NRXN1: variants seen among roughly 807,000 people sequenced by gnomAD.
The protein encoded by NRXN1 is neurexin-1.
NRXN1 carries 39 observed loss-of-function variants against 150.9 expected under a neutral mutation model. The observed-to-expected ratio is 0.26, with a 90% confidence interval of 0.20 to 0.34. The LOEUF is 0.34. Ranked by LOEUF, NRXN1 falls within the 10% of genes least tolerant of loss-of-function variation. NRXN1 has a pLI of 1.00. For synonymous variants in NRXN1, 924 were observed against 757.0 expected, an observed-to-expected ratio of 1.22 and a Z score of -3.62; for missense variants, 1,815 against 1,949.9, an observed-to-expected ratio of 0.93 and a Z score of 1.30.
intron 18 of NRXN1, among the ~76,000 whole-genome samples, chr2:50,214,551 A>T (rs551988684): frequency 1.3e-5 from 2 of 152,070 alleles, no homozygotes; most frequent in South Asian, 4.1e-4. Flanking sequence ...TCCAGCAGGC[A>T]CAGAAAAAAA....
intron 21 of NRXN1, among the ~76,000 whole-genome samples, chr2:50,044,413 T>C (rs778381919): frequency 1.3e-5 from 2 of 152,142 alleles, no homozygotes; most frequent in South Asian, 4.1e-4. Context: ...TAGAAGAAGC[T>C]TTCCGCAAAT....
intron 5 of NRXN1, among the ~76,000 whole-genome samples, chr2:50,623,992 T>C (rs1184961839): frequency 6.6e-6 from 1 of 152,036 alleles, no homozygotes; most frequent in Non-Finnish European, 1.5e-5. Context: ...TGTTCATGTG[T>C]TCTCATTGTT....
intron 9 of NRXN1, among the ~76,000 whole-genome samples, chr2:50,539,747 G>C (rs1453358499): frequency 1.3e-5 from 2 of 152,152 alleles, no homozygotes; most frequent in Non-Finnish European, 2.9e-5. Context: ...GAGAGAGAGA[G>C]GATGAGAAAA....
At chr2:50,024,672 T>C (rs1688024272) in intron 21 of NRXN1, among the ~76,000 whole-genome samples, 1 of 151,940 alleles carries the variant, frequency 6.6e-6, no homozygotes, top group African/African-American at 2.4e-5. Context: ...TGGAGTGCAA[T>C]GGTCCGATCT....
chr2:50,895,205 T>C (rs145851432), intron 5 of NRXN1, among the ~76,000 whole-genome samples: 71 of 152,244 alleles, frequency 4.7e-4, no homozygotes, highest in African/African-American at 1.3e-3. Flanking sequence ...AAAGAGAACA[T>C]ACCCTATTGG....
At chr2:50,262,462 C>G (rs1014915937) in intron 17 of NRXN1, among the ~76,000 whole-genome samples, 1 of 151,868 alleles carries the variant, frequency 6.6e-6, no homozygotes, top group African/African-American at 2.4e-5. Flanking sequence ...GAGGTCTTCT[C>G]TTTTTAAATC....
intron 17 of NRXN1, among the ~76,000 whole-genome samples, chr2:50,265,992 ATTATTATTTATTTTTTT>A (rs2068800518): frequency 1.1e-5 from 1 of 88,774 alleles, no homozygotes; most frequent in South Asian, 3.2e-4. Flanking sequence ...TATTATTATT[ATTATTATTTATTTTTTT>A]TTTTTTTGAG....
At chr2:50,904,624 T>A (rs1377579914) in intron 5 of NRXN1, among the ~76,000 whole-genome samples, 1 of 152,160 alleles carries the variant, frequency 6.6e-6, no homozygotes. Context: ...ATTCAGTTTC[T>A]CCATCCATGA....
chr2:50,050,956 G>A (rs924553211), intron 21 of NRXN1, among the ~76,000 whole-genome samples: 5 of 151,830 alleles, frequency 3.3e-5, no homozygotes, highest in African/African-American at 1.2e-4. Context: ...TTATTACAAA[G>A]CTAACAATTT....
At position 50,550,794 on chromosome 2, in the gene NRXN1, G is replaced by A. The variant is rs866255253; in HGVS notation, c.1759+1793C>T. On this transcript the variant is annotated intron_variant, in intron 9 of 22. Coordinates refer to ENST00000401669, the MANE Select transcript of NRXN1 (RefSeq NM_001330078.2). ...CCTCCCAGCTTCATGCCATTCTCCTGCCTCAGCCTCCCGAGTGGCTGGGAC... is the reference window on the plus strand; with the variant it reads ...CCTCCCAGCTTCATGCCATTCTCCTACCTCAGCCTCCCGAGTGGCTGGGAC... 4.0e-5 allele frequency among the ~76,000 whole-genome samples: 6 copies of A among 151,718 alleles called. No individual in the cohort carries two copies. The Middle Eastern group carries it at 0.017, about 430-fold the overall frequency.
chr2:49,960,983 A>G (rs1675834281), intron 21 of NRXN1, among the ~76,000 whole-genome samples: 1 of 152,170 alleles, frequency 6.6e-6, no homozygotes, highest in African/African-American at 2.4e-5. Flanking sequence ...TTCAAATTAC[A>G]AGGCTTTTTT....
rs184362741 is a variant in NRXN1 at position 50,950,906 on chromosome 2, G to C, written c.773-24951C>G. ...AATATTAAATAACCTGAGAGTTCTA[G>C]TCTGTAATCAGTGGTCAGTGAAATT... On this transcript the variant is annotated intron_variant, in intron 2 of 22. Coordinates refer to ENST00000401669, the MANE Select transcript of NRXN1 (RefSeq NM_001330078.2). 2.1e-3 allele frequency among the ~76,000 whole-genome samples: 322 copies of C among 152,276 alleles called. 1 individual carries two copies. The highest frequency in any genetic ancestry group is 6.8e-3 in the Middle Eastern group (2 of 294).
intron 2 of NRXN1, among the ~76,000 whole-genome samples, chr2:50,952,538 G>C (rs1189707956): frequency 6.6e-6 from 1 of 152,108 alleles, no homozygotes; most frequent in African/African-American, 2.4e-5. Context: ...ACAGCTGTAG[G>C]TGTTGGAGAT....
In NRXN1 at chr2:50,745,311, G is replaced by C. The variant is rs528397944; in HGVS notation, c.833-121696C>G. ...TATATTTATATCTGCCCCCCCCCAGGACTGAAAAAAAACCACTTTAACTTT... is the reference window on the plus strand; with the variant it reads ...TATATTTATATCTGCCCCCCCCCAGCACTGAAAAAAAACCACTTTAACTTT... On this transcript the variant is annotated intron_variant, in intron 5 of 22. Coordinates refer to ENST00000401669, the MANE Select transcript of NRXN1 (RefSeq NM_001330078.2). Among the ~76,000 whole-genome samples, 13 of 137,792 alleles carry C rather than the reference G, an allele frequency of 9.4e-5. 2 individuals are homozygous for C. The South Asian group carries it at 1.9e-3, about 20-fold the overall frequency. 90.4% of individuals were successfully genotyped at this position (137,792 alleles called of 152,430 possible).
chr2:50,717,389 T>C (rs1696004425), intron 5 of NRXN1, among the ~76,000 whole-genome samples: 1 of 152,148 alleles, frequency 6.6e-6, no homozygotes, highest in South Asian at 2.1e-4. Flanking sequence ...TTAATGCAGA[T>C]TGCCAGGTTG....
chr2:50,288,724 A>C (rs1049376868), intron 17 of NRXN1, among the ~76,000 whole-genome samples: 2 of 152,136 alleles, frequency 1.3e-5, no homozygotes, highest in African/African-American at 4.8e-5. Context: ...AATCACGGGA[A>C]GGACATGTCC....
At chr2:50,352,781 TAATA>T (rs2078518158) in intron 17 of NRXN1, among the ~76,000 whole-genome samples, 2 of 144,440 alleles carry the variant, frequency 1.4e-5, no homozygotes, top group African/African-American at 5.1e-5. Flanking sequence ...AATAATATTA[TAATA>T]ATAATAATAA....
chr2:50,449,419 A>G (rs920658159), intron 17 of NRXN1, among the ~76,000 whole-genome samples: 1 of 152,174 alleles, frequency 6.6e-6, no homozygotes, highest in Admixed American at 6.5e-5. Context: ...AAGTCGACTT[A>G]GTCACTCCTT....
intron 2 of NRXN1, among the ~76,000 whole-genome samples, chr2:50,996,438 C>T (rs140631474): frequency 1.1e-4 from 16 of 152,156 alleles, no homozygotes; most frequent in African/African-American, 3.6e-4. Flanking sequence ...ACCAGCTTAA[C>T]TTTTACATGT....
Sources: allele counts gnomAD v4.1 joint callset (sites outside exome capture counted in the v4.1 genomes callset), GRCh38; gene constraint gnomAD v4.1.1; transcripts MANE v1.5; gene names NCBI Gene and HGNC (gene_info 2026-07-23, HGNC 2026-07-21).